Variants in LHPP observed in about 807,000 individuals in gnomAD.
The protein encoded by LHPP is phospholysine phosphohistidine inorganic pyrophosphate phosphatase, also known as hLHPP.
Under a neutral mutation model 30.3 loss-of-function variants are expected in LHPP, and 24 were observed. The ratio of observed to expected loss-of-function variants is 0.79; its 90% CI spans 0.57 to 1.11. The LOEUF (loss-of-function observed/expected upper bound fraction) is 1.11, where lower values mean the gene tolerates loss of function less well. Among genes scored for constraint, LHPP ranks in the 50% most tolerant of loss-of-function variants. The pLI is 0.00. For synonymous variants in LHPP, 150 were observed against 157.1 expected (o/e 0.95, Z 0.34); for missense variants, 356 against 367.2 (o/e 0.97, Z 0.25).
Position 124,461,858 on chromosome 10 carries a change from G to A in LHPP, c.-5G>A. On this transcript the variant is annotated 5_prime_UTR_variant, in exon 1 of 7. Transcript: ENST00000368842. ...ACGCGGAGCTGAGGAGCAGGGCCGG[G>A]CGCCATGGCACCGTGGGGCAAGCGG... The A allele has an allele frequency of 8.0e-7, 1 of 1,246,296 alleles. No homozygotes were observed. Among genetic ancestry groups the A allele is most frequent in the African/African-American group, 1.5e-5 (1 of 65,042 alleles). The allele number at this position is 1,246,296 out of a possible 1,614,324, so 77.2% of individuals were successfully genotyped here. A position where few individuals can be genotyped will look rare whatever the true frequency, so the allele number is the denominator to read the frequency against.
intron 3 of LHPP, among the ~76,000 whole-genome samples, chr10:124,495,219 C>A (rs1953667776): frequency 6.6e-6 from 1 of 152,064 alleles, no homozygotes; most frequent in South Asian, 2.1e-4. Flanking sequence ...TCACAGCATC[C>A]CAGCCAGCCT....
At chr10:124,543,693 A>G (rs1169417043) in intron 6 of LHPP, among the ~76,000 whole-genome samples, 1 of 152,212 alleles carries the variant, frequency 6.6e-6, no homozygotes, top group Non-Finnish European at 1.5e-5. Context: ...CAGAAAAGCC[A>G]CTTTATATAT....
intron 6 of LHPP, among the ~76,000 whole-genome samples, chr10:124,534,387 G>A (rs1288491252): frequency 2.0e-5 from 3 of 152,234 alleles, no homozygotes; most frequent in Non-Finnish European, 4.4e-5. Flanking sequence ...GAGAGCCAAC[G>A]GCAGGAAGAG....
At position 124,543,778 on chromosome 10, in the gene LHPP, TA is replaced by T. The variant is rs1434778712; in HGVS notation, c.716+26508del. 7.7e-4 allele frequency among the ~76,000 whole-genome samples: 24 copies of T among 31,312 alleles called. No homozygotes were observed. In the East Asian group the frequency reaches 0.35, roughly 455 times the overall value. 20.5% of individuals were successfully genotyped at this position (31,312 alleles called of 152,430 possible). A position where few individuals can be genotyped will look rare whatever the true frequency, so the allele number is the denominator to read the frequency against. ...AATTTTTTTCTTTTAAAAATTAATA[TA>T]TTTTTTTTTCTGATAATATAAGAAA... On this transcript the variant is annotated intron_variant, in intron 6 of 6. Transcript: ENST00000368842.
intron 1 of LHPP, among the ~76,000 whole-genome samples, chr10:124,477,097 GGAGGTT>G (rs1952973761): frequency 6.6e-6 from 1 of 152,182 alleles, no homozygotes; most frequent in Admixed American, 6.5e-5. Context: ...CAACTACTCG[GGAGGTT>G]GAGGCAGGAG....
chr10:124,478,905 C>T lies in LHPP; in HGVS notation c.126-5234C>T, dbSNP rs991783045. Reference sequence around the variant, plus strand: ...GCAACATGGTGAGACCCCGTCTCTACTAAAAATATAAAAATTAGCCGGGCA... The same window carrying T: ...GCAACATGGTGAGACCCCGTCTCTATTAAAAATATAAAAATTAGCCGGGCA... On this transcript the variant is annotated intron_variant, in intron 1 of 6. Coordinates refer to ENST00000368842, the MANE Select transcript of LHPP (RefSeq NM_022126.4). The surrounding 1 kb of genome is among the most constrained non-coding windows in gnomAD (Gnocchi z 4.7). 6.6e-6 allele frequency among the ~76,000 whole-genome samples: 1 copy of T among 152,044 alleles called. No individual in the cohort carries two copies. The highest frequency in any genetic ancestry group is 2.4e-5 in the African/African-American group (1 of 41,376).
In LHPP at chr10:124,470,783, G is replaced by T. The variant is rs1055210753; in HGVS notation, c.125+8796G>T. Reference sequence around the variant, plus strand: ...GGCACCTGCCGGAGGGGTCTGGCAGGACATTGTAGGGAGAGGGCCATTTGT... The same window carrying T: ...GGCACCTGCCGGAGGGGTCTGGCAGTACATTGTAGGGAGAGGGCCATTTGT... On this transcript the variant is annotated intron_variant, in intron 1 of 6. Coordinates refer to ENST00000368842, the MANE Select transcript of LHPP (RefSeq NM_022126.4). 3.9e-5 allele frequency among the ~76,000 whole-genome samples: 6 copies of T among 152,246 alleles called. No homozygotes were observed. In the East Asian group the frequency reaches 9.6e-4, roughly 24 times the overall value.
chr10:124,584,688 G>T (rs1045096223), intron 6 of LHPP, among the ~76,000 whole-genome samples: 1 of 152,150 alleles, frequency 6.6e-6, no homozygotes, highest in South Asian at 2.1e-4. Context: ...ATTCTGGGGG[G>T]ACATTCAGAC....
At chr10:124,513,128 C>T (rs1311329733) in intron 5 of LHPP, among the ~76,000 whole-genome samples, 1 of 151,910 alleles carries the variant, frequency 6.6e-6, no homozygotes, top group Non-Finnish European at 1.5e-5. Flanking sequence ...TTGCTCTTCT[C>T]GCCCAGGCTG....
At chr10:124,564,592 C>T (rs1473402309) in intron 6 of LHPP, among the ~76,000 whole-genome samples, 1 of 152,152 alleles carries the variant, frequency 6.6e-6, no homozygotes, top group African/African-American at 2.4e-5. Context: ...ACATCAGTCT[C>T]CTGACGTCCT....
At chr10:124,475,377 T>C (rs1185615555) in intron 1 of LHPP, among the ~76,000 whole-genome samples, 1 of 150,138 alleles carries the variant, frequency 6.7e-6, no homozygotes, top group Non-Finnish European at 1.5e-5. Flanking sequence ...CCATCTCTAC[T>C]AAAAATACAA....
chr10:124,609,156 C>T (rs1341586291), intron 6 of LHPP, among the ~76,000 whole-genome samples: 1 of 152,234 alleles, frequency 6.6e-6, no homozygotes, highest in Admixed American at 6.5e-5. Flanking sequence ...ATATTACTCT[C>T]TTCTTTTTAC....
intron 1 of LHPP, among the ~76,000 whole-genome samples, chr10:124,465,372 G>A (rs997110027): frequency 2.6e-5 from 4 of 152,266 alleles, no homozygotes; most frequent in Non-Finnish European, 5.9e-5. Flanking sequence ...GAAGACTCTA[G>A]ATAGGCATAT....
At chr10:124,526,258 A>G in intron 6 of LHPP, 1 of 984,960 alleles carries the variant, frequency 1.0e-6, no homozygotes. Context: ...GAAGGGGGAT[A>G]ACGCAGGTAT....
chr10:124,589,213 C>T (rs1485927604), intron 6 of LHPP, among the ~76,000 whole-genome samples: 2 of 152,264 alleles, frequency 1.3e-5, no homozygotes, highest in Non-Finnish European at 2.9e-5. Flanking sequence ...CTGCATAAGG[C>T]ATCTCAGAGC....
chr10:124,576,895 T>A lies in LHPP; in HGVS notation c.717-36369T>A, dbSNP rs899847043. ...ACCCGACCACAGCCAGGCCTCCATG[T>A]GCCACTGTCAAGGGGACTTGGCCCG... On this transcript the variant is annotated intron_variant, in intron 6 of 6. Coordinates refer to ENST00000368842, the MANE Select transcript of LHPP (RefSeq NM_022126.4). This position sits in a 1 kb window ranked among gnomAD's most constrained non-coding sequence, Gnocchi z 4.2. Among the ~76,000 whole-genome samples the A allele has an allele frequency of 6.6e-6, 1 of 152,156 alleles. No homozygotes were observed.
intron 1 of LHPP, among the ~76,000 whole-genome samples, chr10:124,467,584 C>T (rs1395539478): frequency 6.7e-6 from 1 of 148,914 alleles, no homozygotes; most frequent in East Asian, 2.0e-4. Context: ...GTGACACAAT[C>T]ACGGCTCACT....
chr10:124,535,223 G>A (rs1479177041), intron 6 of LHPP, among the ~76,000 whole-genome samples: 2 of 152,214 alleles, frequency 1.3e-5, no homozygotes, highest in African/African-American at 4.8e-5. Context: ...ACGCCTGTAT[G>A]AGAGAGAACT....
Position 124,517,134 on chromosome 10 carries a change from A to C in LHPP, c.625-46A>C, listed in dbSNP as rs1460579204. 13 of 1,368,926 alleles carry C rather than the reference A, an allele frequency of 9.5e-6. No homozygotes were observed. Among genetic ancestry groups the C allele is most frequent in the Non-Finnish European group, 1.2e-5 (12 of 1,003,650 alleles). 84.8% of individuals were successfully genotyped at this position (1,368,926 alleles called of 1,614,324 possible). ...AAAAAGATGAAGGAGCCCGGGAATA[A>C]AACTCTCCTGACATCACTTCTGAGC... is the stretch of plus-strand genomic sequence containing the variant. On this transcript the variant is annotated intron_variant, in intron 5 of 6. Coordinates refer to ENST00000368842, the MANE Select transcript of LHPP (RefSeq NM_022126.4). The surrounding 1 kb of genome is among the most constrained non-coding windows in gnomAD (Gnocchi z 4.1).
Sources: gnomAD v4.1 joint callset for allele counts (sites outside exome capture counted in the v4.1 genomes callset) on GRCh38, gnomAD v4.1.1 for gene constraint, Gnocchi (gnomAD v3.1) non-coding constraint, MANE v1.5 for transcripts, NCBI Gene and HGNC (gene_info 2026-07-23, HGNC 2026-07-21) for gene names.